The following MNAT1 variants were observed in gnomAD, a reference collection of about 807,000 sequenced individuals.
The protein encoded by MNAT1 is CDK-activating kinase assembly factor MAT1.
MNAT1 carries 43 observed loss-of-function variants against 42.0 expected under a neutral mutation model. The observed-to-expected ratio is 1.02, with a 90% confidence interval of 0.80 to 1.32. The LOEUF is 1.32. Among genes scored for constraint, MNAT1 ranks in the 40% most tolerant of loss-of-function variants. MNAT1 has a pLI of 0.00. For synonymous variants in MNAT1, 118 were observed against 120.0 expected, an observed-to-expected ratio of 0.98 and a Z score of 0.11; for missense variants, 306 against 350.4, an observed-to-expected ratio of 0.87 and a Z score of 1.01.
rs56345746 is a variant in MNAT1, at chr14:60,901,013, CAAAAAAAAAA to C, written c.809+21199_809+21208del. 5.8e-3 allele frequency among the ~76,000 whole-genome samples: 214 copies of C among 36,588 alleles called. 1 individual carries two copies. The highest frequency in any genetic ancestry group is 0.025 in the African/African-American group (206 of 8,214). 24.0% of individuals were successfully genotyped at this position (36,588 alleles called of 152,430 possible). A position where few individuals can be genotyped will look rare whatever the true frequency, so the allele number is the denominator to read the frequency against. The stretch of plus-strand genomic sequence containing the variant: ...GATGTGATACAGTGAGAGCCTGTCT[CAAAAAAAAAA>C]AAAAAAAAAAAAAAAAAAAAGTCAA... On this transcript the variant is annotated intron_variant, in intron 7 of 7. Transcript: ENST00000261245.
intron 1 of MNAT1, among the ~76,000 whole-genome samples, chr14:60,768,244 G>A (rs938382979): frequency 3.3e-5 from 5 of 152,108 alleles, no homozygotes; most frequent in African/African-American, 1.2e-4. Flanking sequence ...TCCTGCTTGA[G>A]GTTGAGTGTA....
chr14:60,901,757 T>C (rs1441012433), intron 7 of MNAT1, among the ~76,000 whole-genome samples: 1 of 152,198 alleles, frequency 6.6e-6, no homozygotes, highest in African/African-American at 2.4e-5. Flanking sequence ...ACTGAAGATA[T>C]GACTGAATTA....
At chr14:60,765,128 G>A (rs1450922067) in intron 1 of MNAT1, among the ~76,000 whole-genome samples, 2 of 152,218 alleles carry the variant, frequency 1.3e-5, no homozygotes, top group African/African-American at 4.8e-5. Context: ...GCGCATGCCT[G>A]TAATTCCAGC....
chr14:60,842,727 T>C, intron 6 of MNAT1, among the ~76,000 whole-genome samples: 1 of 152,146 alleles, frequency 6.6e-6, no homozygotes, highest in East Asian at 1.9e-4. Context: ...TGCTCCTCAA[T>C]TTATTTGATG....
chr14:60,937,885 T>C (rs1168044330), intron 7 of MNAT1, among the ~76,000 whole-genome samples: 2 of 152,180 alleles, frequency 1.3e-5, no homozygotes, highest in African/African-American at 4.8e-5. Flanking sequence ...TTCCATTTGT[T>C]TGTATCCTCT....
chr14:60,906,805 G>A (rs2139516109), intron 7 of MNAT1, among the ~76,000 whole-genome samples: 1 of 152,116 alleles, frequency 6.6e-6, no homozygotes, highest in East Asian at 1.9e-4. Context: ...ATCTTTTGTT[G>A]GTCCAAGTTC....
At chr14:60,754,292 C>T (rs2030232370) in intron 1 of MNAT1, among the ~76,000 whole-genome samples, 1 of 150,830 alleles carries the variant, frequency 6.6e-6, no homozygotes, top group Non-Finnish European at 1.5e-5. Context: ...AAAAGCTGTA[C>T]ACATATTAGG....
At chr14:60,786,138 AAC>A (rs1234830037) in intron 1 of MNAT1, among the ~76,000 whole-genome samples, 8 of 152,068 alleles carry the variant, frequency 5.3e-5, no homozygotes, top group Non-Finnish European at 8.8e-5. Flanking sequence ...TAAATTGGAA[AAC>A]ACACAAAAAA....
intron 6 of MNAT1, among the ~76,000 whole-genome samples, chr14:60,830,006 A>G (rs897156195): frequency 6.6e-6 from 1 of 152,174 alleles, no homozygotes. Flanking sequence ...TTAGGGAAAA[A>G]GAAGGAAGAT....
chr14:60,953,486 A>G (rs1368377750), intron 7 of MNAT1, among the ~76,000 whole-genome samples: 1 of 152,172 alleles, frequency 6.6e-6, no homozygotes, highest in Non-Finnish European at 1.5e-5. Context: ...AGCAGAGGGT[A>G]AAAGTGCTTT....
chr14:60,898,037 C>T (rs185235881), intron 7 of MNAT1, among the ~76,000 whole-genome samples: 34 of 152,072 alleles, frequency 2.2e-4, no homozygotes, highest in Admixed American at 1.2e-3. Context: ...CTCCAATTCC[C>T]TCCATGTTGC....
chr14:60,757,332 T>C lies in MNAT1; in HGVS notation c.89+22381T>C, dbSNP rs997351265. On this transcript the variant is annotated intron_variant, in intron 1 of 7. Transcript: ENST00000261245. ...TAATATATAGACTGTATCAAGCCAC[T>C]ATGAAAATTTTATCTAAATGCAGTT... Among the ~76,000 whole-genome samples, 3 of 152,184 alleles carry C rather than the reference T, an allele frequency of 2.0e-5. No individual in the cohort carries two copies. The East Asian group carries it at 5.8e-4, about 29-fold the overall frequency.
At chr14:60,898,603 T>G (rs2035011854) in intron 7 of MNAT1, among the ~76,000 whole-genome samples, 1 of 152,146 alleles carries the variant, frequency 6.6e-6, no homozygotes, top group African/African-American at 2.4e-5. Context: ...TACTTTTTAA[T>G]GAGATTACCT....
chr14:60,931,675 G>T (rs758696484), intron 7 of MNAT1, among the ~76,000 whole-genome samples: 1 of 152,018 alleles, frequency 6.6e-6, no homozygotes, highest in South Asian at 2.1e-4. Context: ...TATTTAATAT[G>T]TAAGACCCTT....
intron 7 of MNAT1, among the ~76,000 whole-genome samples, chr14:60,913,473 C>G (rs890651725): frequency 3.3e-5 from 5 of 152,118 alleles, no homozygotes; most frequent in African/African-American, 7.2e-5. Context: ...TACCTTGGGT[C>G]TTTGATGATG....
Position 60,879,697 on chromosome 14 carries a change from C to T in MNAT1, c.688-17C>T. The T allele has an allele frequency of 6.2e-7, 1 of 1,601,570 alleles. No individual in the cohort carries two copies. The highest frequency in any genetic ancestry group is 1.3e-5 in the African/African-American group (1 of 74,346). ...AATAATAATAAGAGGTATTAAGTTC[C>T]TTCATTTTTCTAACAGGGTCAACAT... On this transcript the variant is annotated splice_polypyrimidine_tract_variant and intron_variant, in intron 6 of 7. Transcript: ENST00000261245.
At chr14:60,803,329 T>C (rs1377436340) in intron 3 of MNAT1, among the ~76,000 whole-genome samples, 1 of 152,238 alleles carries the variant, frequency 6.6e-6, no homozygotes, top group Non-Finnish European at 1.5e-5. Flanking sequence ...ATCTGTATTA[T>C]TTGTGTTAAT....
chr14:60,816,152 G>T (rs565025645), intron 5 of MNAT1, among the ~76,000 whole-genome samples: 33 of 151,898 alleles, frequency 2.2e-4, no homozygotes, highest in African/African-American at 7.7e-4. Flanking sequence ...CCTGTTTTTG[G>T]TTCTGGTCTT....
intron 1 of MNAT1, among the ~76,000 whole-genome samples, chr14:60,766,792 T>G (rs1832212529): frequency 6.6e-6 from 1 of 152,202 alleles, no homozygotes; most frequent in Non-Finnish European, 1.5e-5. Context: ...ATGACTAGAT[T>G]TCATTTTGGG....
Sources: gnomAD v4.1 joint callset for allele counts (sites outside exome capture counted in the v4.1 genomes callset) on GRCh38, gnomAD v4.1.1 for gene constraint, MANE v1.5 for transcripts, NCBI Gene and HGNC (gene_info 2026-07-23, HGNC 2026-07-21) for gene names.